Variants in ITFG1 observed in about 807,000 individuals in gnomAD.
The protein encoded by ITFG1 is T-cell immunomodulatory protein.
Under a neutral mutation model 81.8 loss-of-function variants are expected in ITFG1, and 34 were observed. The ratio of observed to expected loss-of-function variants is 0.42; its 90% CI spans 0.32 to 0.55. The LOEUF is 0.55. Among genes scored for constraint, ITFG1 ranks in the 20% least tolerant of loss-of-function variants. The pLI, the probability that ITFG1 is intolerant of heterozygous loss-of-function variation, is 0.17. For missense variants in ITFG1, 672 were observed against 755.4 expected (o/e 0.89, Z 1.29); for synonymous variants, 285 against 270.6 (o/e 1.05, Z -0.52).
At chr16:47,415,797 C>A (rs1325472783) in intron 6 of ITFG1, among the ~76,000 whole-genome samples, 1 of 152,068 alleles carries the variant, frequency 6.6e-6, no homozygotes, top group African/African-American at 2.4e-5. Flanking sequence ...AAGTGTTTCA[C>A]CTCTTTAAAA....
At chr16:47,450,717 C>T (rs1157539283) in intron 5 of ITFG1, among the ~76,000 whole-genome samples, 2 of 152,044 alleles carry the variant, frequency 1.3e-5, no homozygotes, top group African/African-American at 4.8e-5. Flanking sequence ...CTAAACTTTA[C>T]CTTATCAGAT....
At chr16:47,195,590 C>A (rs909150917) in intron 14 of ITFG1, among the ~76,000 whole-genome samples, 4 of 152,188 alleles carry the variant, frequency 2.6e-5, no homozygotes, top group African/African-American at 7.2e-5. Flanking sequence ...TATGTAGATA[C>A]AAGTTTCTGA....
rs371103697 is a variant in ITFG1 at position 47,307,093 on chromosome 16, C to CAAAA, written c.1070+4143_1070+4146dup. Among the ~76,000 whole-genome samples, 158 of 16,468 alleles carry CAAAA rather than the reference C, an allele frequency of 9.6e-3. 57 individuals carry two copies. Among genetic ancestry groups the CAAAA allele is most frequent in the Middle Eastern group, 0.12 (2 of 16 alleles). The allele number at this position is 16,468 out of a possible 152,430, so 10.8% of individuals were successfully genotyped here. ...TGGGTGACAGAGCAAAACTCCGTCTCAAAAAAAAAAAAAAAAAAAAAAAAA... is the reference window on the plus strand; with the variant it reads ...TGGGTGACAGAGCAAAACTCCGTCTCAAAAAAAAAAAAAAAAAAAAAAAAAAAAA... On this transcript the variant is annotated intron_variant, in intron 10 of 17. Transcript: ENST00000320640.
At chr16:47,443,930 A>G (rs1969289237) in intron 5 of ITFG1, among the ~76,000 whole-genome samples, 1 of 152,078 alleles carries the variant, frequency 6.6e-6, no homozygotes, top group African/African-American at 2.4e-5. Context: ...AATGTAAGGA[A>G]AAAACAAAAA....
At chr16:47,386,022 C>T (rs1374808729) in intron 6 of ITFG1, among the ~76,000 whole-genome samples, 1 of 152,100 alleles carries the variant, frequency 6.6e-6, no homozygotes, top group Non-Finnish European at 1.5e-5. Flanking sequence ...AAATTCAAGG[C>T]CATTGACTTA....
At chr16:47,322,186 A>C (rs1967458328) in intron 8 of ITFG1, among the ~76,000 whole-genome samples, 1 of 152,204 alleles carries the variant, frequency 6.6e-6, no homozygotes, top group Admixed American at 6.5e-5. Flanking sequence ...ACTATTAAAG[A>C]ATCTGAACAT....
intron 12 of ITFG1, among the ~76,000 whole-genome samples, chr16:47,242,815 T>C (rs1042777227): frequency 2.2e-4 from 34 of 152,182 alleles, no homozygotes; most frequent in Non-Finnish European, 1.2e-4. Context: ...ATCTGTGGTA[T>C]TGGAAATTAC....
chr16:47,173,297 T>C (rs1213089288), intron 14 of ITFG1, among the ~76,000 whole-genome samples: 4 of 152,196 alleles, frequency 2.6e-5, no homozygotes, highest in Non-Finnish European at 5.9e-5. Context: ...AGTATGCCTA[T>C]TGTCTGTCTT....
At chr16:47,325,237 C>A (rs144096066) in intron 8 of ITFG1, among the ~76,000 whole-genome samples, 5 of 152,072 alleles carry the variant, frequency 3.3e-5, no homozygotes, top group Non-Finnish European at 7.4e-5. Context: ...GGGTACATAA[C>A]GAAATGAAGG....
intron 5 of ITFG1, among the ~76,000 whole-genome samples, chr16:47,429,527 A>C (rs1969066618): frequency 6.6e-6 from 1 of 152,166 alleles, no homozygotes; most frequent in Non-Finnish European, 1.5e-5. Context: ...TTTCCACTTC[A>C]CCATCTTACA....
chr16:47,211,206 T>C (rs1317318426), intron 14 of ITFG1, among the ~76,000 whole-genome samples: 3 of 152,238 alleles, frequency 2.0e-5, no homozygotes, highest in Non-Finnish European at 4.4e-5. Flanking sequence ...CTCACTGGCA[T>C]TGCGTAGTTT....
intron 10 of ITFG1, among the ~76,000 whole-genome samples, chr16:47,297,871 T>C (rs1386826937): frequency 6.6e-6 from 1 of 152,196 alleles, no homozygotes; most frequent in African/African-American, 2.4e-5. Flanking sequence ...TTTGAATGTG[T>C]AAATCTTTTG....
chr16:47,255,052 A>C (rs1397594433), intron 12 of ITFG1, among the ~76,000 whole-genome samples: 1 of 152,148 alleles, frequency 6.6e-6, no homozygotes, highest in Non-Finnish European at 1.5e-5. Context: ...GCGCCACTGC[A>C]CTCCAGTCTG....
At position 47,295,061 on chromosome 16, in the gene ITFG1, T is replaced by A. The variant is rs145797488; in HGVS notation, c.1070+16179A>T. Among the ~76,000 whole-genome samples the A allele has an allele frequency of 2.6e-3, 392 of 152,290 alleles. 3 individuals carry two copies. The highest frequency in any genetic ancestry group is 8.7e-3 in the African/African-American group (361 of 41,554). ...TATGCCTAGGTTTTGATGATTTTTATCATGAAGAGATGAATTTCATCAAAT... is the reference window on the plus strand; with the variant it reads ...TATGCCTAGGTTTTGATGATTTTTAACATGAAGAGATGAATTTCATCAAAT... On this transcript the variant is annotated intron_variant, in intron 10 of 17. Coordinates refer to ENST00000320640, the MANE Select transcript of ITFG1 (RefSeq NM_030790.5).
At chr16:47,161,286 G>C (rs1964801302) in intron 16 of ITFG1, among the ~76,000 whole-genome samples, 3 of 152,178 alleles carry the variant, frequency 2.0e-5, no homozygotes. Context: ...TCTTGGAGAG[G>C]ACAAAGGACT....
At chr16:47,310,839 T>C (rs1286581002) in intron 10 of ITFG1, among the ~76,000 whole-genome samples, 4 of 152,208 alleles carry the variant, frequency 2.6e-5, no homozygotes, top group Admixed American at 2.6e-4. Flanking sequence ...CTGAGTAATA[T>C]GACCAAAGTC....
intron 10 of ITFG1, among the ~76,000 whole-genome samples, chr16:47,274,262 G>T (rs1040125030): frequency 4.0e-5 from 6 of 149,404 alleles, no homozygotes; most frequent in Admixed American, 2.0e-4. Flanking sequence ...CTCATAAAAA[G>T]AAAAAAAAAG....
intron 6 of ITFG1, among the ~76,000 whole-genome samples, chr16:47,391,988 T>G (rs1968537411): frequency 1.3e-5 from 2 of 152,174 alleles, no homozygotes; most frequent in African/African-American, 4.8e-5. Context: ...GCGGAAACTT[T>G]TGCTCCTTTA....
At chr16:47,328,755 T>G (rs936018500) in intron 8 of ITFG1, among the ~76,000 whole-genome samples, 1 of 152,176 alleles carries the variant, frequency 6.6e-6, no homozygotes, top group African/African-American at 2.4e-5. Flanking sequence ...TTAGCACATT[T>G]AAATGAAAGA....
Sources: allele counts gnomAD v4.1 joint callset (sites outside exome capture counted in the v4.1 genomes callset), GRCh38; gene constraint gnomAD v4.1.1; transcripts MANE v1.5; gene names NCBI Gene and HGNC (gene_info 2026-07-23, HGNC 2026-07-21).